Variants in LRRC49 observed in about 807,000 individuals in gnomAD.
The protein encoded by LRRC49 is leucine-rich repeat-containing protein 49.
Under a neutral mutation model 83.3 loss-of-function variants are expected in LRRC49, and 50 were observed. The ratio of observed to expected loss-of-function variants is 0.60; its 90% CI spans 0.48 to 0.76. The LOEUF is 0.76. LRRC49 is among the 30% of genes least tolerant of loss of function. The pLI is 0.00. For missense variants in LRRC49, 704 were observed against 809.1 expected (o/e 0.87, Z 1.58); for synonymous variants, 286 against 283.3 (o/e 1.01, Z -0.10).
At position 70,948,272 on chromosome 15, in the gene LRRC49, G is replaced by A. The variant is rs531066938; in HGVS notation, c.773+11450G>A. On this transcript the variant is annotated intron_variant, in intron 8 of 15. Coordinates refer to ENST00000260382, the MANE Select transcript of LRRC49 (RefSeq NM_017691.5). ...ATATCTTTCAAATATATATAAACAC[G>A]TTATGGATAAGCACACACATACCTC... Among the ~76,000 whole-genome samples, 24 of 151,922 alleles carry A rather than the reference G, an allele frequency of 1.6e-4. No individual in the cohort carries two copies. The South Asian group carries it at 2.3e-3, about 14-fold the overall frequency.
chr15:70,934,369 C>T (rs1429240175), intron 7 of LRRC49, among the ~76,000 whole-genome samples: 3 of 152,060 alleles, frequency 2.0e-5, no homozygotes, highest in Admixed American at 6.5e-5. Flanking sequence ...TTTGGAACAA[C>T]GAAAAATGAT....
Position 70,980,125 on chromosome 15 carries a change from G to T in LRRC49, c.946G>T (p.Val316Phe). 2 of 1,611,750 alleles carry T rather than the reference G, an allele frequency of 1.2e-6. No homozygotes were observed. Among genetic ancestry groups the T allele is most frequent in the Middle Eastern group, 1.7e-4 (1 of 6,040 alleles). ...GGAAGAAGAAAGGCGTATGGCATCT[G>T]TTTTAGCCAAAAAAGAGGAAGAGAA... ...ITEEERRMAS[V>F]LAKKEEEKKR... The change falls in exon 10 of 16, where the codon GTT becomes TTT. Residue 316 changes from valine (V) to phenylalanine (F), a missense_variant. Val to Phe is a conservative substitution (Grantham distance 50). This residue lies in a region of LRRC49 where 168 missense variants were observed against 140.6 expected (regional missense o/e 1.20). Coordinates refer to ENST00000260382, the MANE Select transcript of LRRC49 (RefSeq NM_017691.5).
At position 70,984,113 on chromosome 15, in the gene LRRC49, T is replaced by C; in HGVS notation, c.1025T>C (p.Ile342Thr). Reference sequence around the variant, plus strand: ...TCATAGGAGAAGAAAAGGTTAACAATTAACAACGTAGCTCGACAGTGGGAC... The same window carrying C: ...TCATAGGAGAAGAAAAGGTTAACAACTAACAACGTAGCTCGACAGTGGGAC... ...SLLKEKKRLT[I>T]NNVARQWDLQ... The change falls in exon 11 of 16, where the codon ATT becomes ACT. Residue 342 changes from isoleucine (I) to threonine (T), a missense_variant. Physicochemically the swap from Ile to Thr is moderately conservative, Grantham distance 89. This residue lies in a region of LRRC49 where 168 missense variants were observed against 140.6 expected (regional missense o/e 1.20). Transcript: ENST00000260382. 6.2e-7 allele frequency: 1 copy of C among 1,611,890 alleles called. No homozygotes were observed. Among genetic ancestry groups the C allele is most frequent in the East Asian group, 2.2e-5 (1 of 44,698 alleles).
intron 7 of LRRC49, among the ~76,000 whole-genome samples, chr15:70,929,388 T>A (rs1044657577): frequency 6.6e-6 from 1 of 152,248 alleles, no homozygotes; most frequent in African/African-American, 2.4e-5. Flanking sequence ...AAAAAAACTA[T>A]GTACATACCT....
In LRRC49 at chr15:70,928,653, C is replaced by T. The variant is rs550992432; in HGVS notation, c.712-8108C>T. On this transcript the variant is annotated intron_variant, in intron 7 of 15. Transcript: ENST00000260382. ...CAGTCTTGGCTCACTGCAAGCTCCA[C>T]CTCCCGGGTTCAAGTAATTCTCCTG... Among the ~76,000 whole-genome samples, 71 of 152,188 alleles carry T rather than the reference C, an allele frequency of 4.7e-4. 3 individuals are homozygous for T. The South Asian group carries it at 0.015, about 31-fold the overall frequency.
chr15:71,012,943 G>A (rs1296957241), intron 14 of LRRC49, 30 bp downstream of exon 14: 5 of 1,361,672 alleles, frequency 3.7e-6, no homozygotes, highest in Non-Finnish European at 5.2e-6. Context: ...GTTTTTTATA[G>A]AATTACTGTT....
At chr15:71,047,688 C>T (rs915057422) in intron 15 of LRRC49, among the ~76,000 whole-genome samples, 3 of 152,212 alleles carry the variant, frequency 2.0e-5, no homozygotes, top group East Asian at 3.9e-4. Context: ...CTTGCCTGAC[C>T]GTTCTGGCTA....
At chr15:70,982,463 A>G (rs1268942624) in intron 10 of LRRC49, among the ~76,000 whole-genome samples, 1 of 152,212 alleles carries the variant, frequency 6.6e-6, no homozygotes, top group Non-Finnish European at 1.5e-5. Flanking sequence ...TGTTTTTACA[A>G]TAGGAATTGC....
intron 9 of LRRC49, among the ~76,000 whole-genome samples, chr15:70,965,345 A>G (rs530744363): frequency 1.3e-5 from 2 of 152,278 alleles, no homozygotes; most frequent in Admixed American, 6.5e-5. Flanking sequence ...CCTACAGATT[A>G]CTAGCATCTA....
intron 6 of LRRC49, chr15:70,918,356 G>A (rs547732538): frequency 4.6e-5 from 7 of 152,406 alleles, no homozygotes; most frequent in African/African-American, 1.7e-4. Context: ...ACTGGCCACA[G>A]AGGTTTCTGG....
intron 14 of LRRC49, among the ~76,000 whole-genome samples, chr15:71,031,114 C>T (rs751130886): frequency 6.6e-6 from 1 of 152,080 alleles, no homozygotes; most frequent in Non-Finnish European, 1.5e-5. Context: ...CATTTTTGAG[C>T]TGGTTTTTCC....
At chr15:70,886,685 G>A (rs573370385) in intron 2 of LRRC49, among the ~76,000 whole-genome samples, 5 of 152,126 alleles carry the variant, frequency 3.3e-5, no homozygotes, top group Non-Finnish European at 7.4e-5. Context: ...GGCCAAGATG[G>A]TGAAACCCCA....
intron 1 of LRRC49, among the ~76,000 whole-genome samples, chr15:70,868,998 C>T (rs1346191696): frequency 1.3e-5 from 2 of 152,070 alleles, no homozygotes; most frequent in Non-Finnish European, 2.9e-5. Context: ...TCTATTGCAG[C>T]TTTATGTAAA....
At chr15:71,003,563 C>A (rs1424701000) in intron 11 of LRRC49, among the ~76,000 whole-genome samples, 1 of 152,124 alleles carries the variant, frequency 6.6e-6, no homozygotes, top group Non-Finnish European at 1.5e-5. Context: ...TCCAGTCAAC[C>A]ACTAAGTCTT....
chr15:70,990,146 C>T (rs1193996383), intron 11 of LRRC49, among the ~76,000 whole-genome samples: 1 of 152,206 alleles, frequency 6.6e-6, no homozygotes, highest in African/African-American at 2.4e-5. Context: ...GCTGGGAGAA[C>T]CACTGCTGTC....
intron 15 of LRRC49, among the ~76,000 whole-genome samples, chr15:71,045,087 G>A (rs1049013938): frequency 6.6e-6 from 1 of 151,426 alleles, no homozygotes; most frequent in Non-Finnish European, 1.5e-5. Flanking sequence ...GTAGAGACGG[G>A]GCTTCACCAT....
intron 14 of LRRC49, among the ~76,000 whole-genome samples, chr15:71,029,184 T>C (rs1249783972): frequency 2.6e-5 from 4 of 152,240 alleles, no homozygotes; most frequent in Non-Finnish European, 5.9e-5. Context: ...TCTTTATTGC[T>C]GCCTTAATTT....
chr15:71,025,666 A>G (rs1217503168), intron 14 of LRRC49, among the ~76,000 whole-genome samples: 1 of 150,976 alleles, frequency 6.6e-6, no homozygotes, highest in East Asian at 1.9e-4. Flanking sequence ...ATAATAAAAT[A>G]AAACAAAGGG....
intron 8 of LRRC49, among the ~76,000 whole-genome samples, chr15:70,963,113 T>C (rs976797053): frequency 4.6e-5 from 7 of 151,126 alleles, no homozygotes; most frequent in Non-Finnish European, 7.4e-5. Flanking sequence ...GTAGACAAAA[T>C]AAAAAGTAAA....
Sources: allele counts gnomAD v4.1 joint callset (sites outside exome capture counted in the v4.1 genomes callset), GRCh38; gene constraint gnomAD v4.1.1; regional missense constraint gnomAD v4.1.1; transcripts MANE v1.5; gene names NCBI Gene and HGNC (gene_info 2026-07-23, HGNC 2026-07-21).